YTHDF3: variants seen among roughly 807,000 people sequenced by gnomAD.
The protein encoded by YTHDF3 is YTH domain-containing family protein 3.
A neutral mutation model predicts 52.5 loss-of-function variants in YTHDF3; 9 were observed. The observed-to-expected ratio is 0.17, with a 90% CI of 0.10 to 0.30. YTHDF3 has a LOEUF of 0.30. Ranked by LOEUF, YTHDF3 falls within the 10% of genes least tolerant of loss-of-function variation. The pLI, the probability that YTHDF3 is intolerant of heterozygous loss-of-function variation, is 1.00. For synonymous variants in YTHDF3, 274 were observed against 243.3 expected (o/e 1.13, Z -1.18); for missense variants, 534 against 715.0 (o/e 0.75, Z 2.89).
chr8:63,180,473 G>A (rs1476196355), intron 3 of YTHDF3, among the ~76,000 whole-genome samples: 1 of 148,474 alleles, frequency 6.7e-6, no homozygotes, highest in Non-Finnish European at 1.5e-5. Context: ...GGGCAGAGAC[G>A]CTCCTCACTT....
In YTHDF3 at chr8:63,212,549, C is replaced by T. The variant is rs1810419946; in HGVS notation, c.*2843C>T. The T allele has an allele frequency of 6.6e-6, 1 of 152,482 alleles. No homozygotes were observed. The allele number at this position is 152,482 out of a possible 1,614,324, so 9.4% of individuals were successfully genotyped here. ...TGTGTTTTCATTAAGTTTTGCATATCTTTTGTTATGCCATGTAAATTCCCT... is the reference window on the plus strand; with the variant it reads ...TGTGTTTTCATTAAGTTTTGCATATTTTTTGTTATGCCATGTAAATTCCCT... On this transcript the variant is annotated 3_prime_UTR_variant, in exon 5 of 5. Transcript: ENST00000539294.
chr8:63,178,923 CTATT>C (rs543979262), intron 3 of YTHDF3, among the ~76,000 whole-genome samples: 67 of 152,296 alleles, frequency 4.4e-4, no homozygotes, highest in African/African-American at 1.1e-3. Flanking sequence ...AGTTACACAA[CTATT>C]TAATTAGGTC....
At chr8:63,173,494 T>C (rs1395267975) in intron 2 of YTHDF3, among the ~76,000 whole-genome samples, 8 of 152,116 alleles carry the variant, frequency 5.3e-5, no homozygotes, top group Admixed American at 5.2e-4. Flanking sequence ...TGTATTTGTA[T>C]GAACTAGATT....
At chr8:63,189,625 A>C (rs1227213230) in intron 4 of YTHDF3, among the ~76,000 whole-genome samples, 1 of 152,218 alleles carries the variant, frequency 6.6e-6, no homozygotes, top group Non-Finnish European at 1.5e-5. Flanking sequence ...AACATTCCTC[A>C]GAGGGAAGGT....
intron 4 of YTHDF3, among the ~76,000 whole-genome samples, chr8:63,198,609 A>AT (rs1311012018): frequency 4.6e-5 from 7 of 151,582 alleles, no homozygotes; most frequent in Non-Finnish European, 5.9e-5. Context: ...TGCCTGATAC[A>AT]TTTTTTTTCA....
At chr8:63,174,685 T>A (rs181328505) in intron 2 of YTHDF3, among the ~76,000 whole-genome samples, 2 of 152,228 alleles carry the variant, frequency 1.3e-5, no homozygotes, top group Non-Finnish European at 2.9e-5. Flanking sequence ...ATTATGGCTA[T>A]CTTTTGTGTC....
chr8:63,189,077 C>T (rs1377258423), intron 4 of YTHDF3: 1 of 152,098 alleles, frequency 6.6e-6, no homozygotes, highest in Non-Finnish European at 1.5e-5. Context: ...AGCACTTGTA[C>T]AAAATAGAGG....
intron 4 of YTHDF3, among the ~76,000 whole-genome samples, chr8:63,207,149 G>C (rs1353717419): frequency 3.9e-5 from 6 of 152,038 alleles, no homozygotes. Context: ...GTTTAGTATT[G>C]TTACAGCTTT....
At chr8:63,179,135 G>A (rs1415296343) in intron 3 of YTHDF3, among the ~76,000 whole-genome samples, 1 of 152,044 alleles carries the variant, frequency 6.6e-6, no homozygotes, top group African/African-American at 2.4e-5. Context: ...TACTTATGTG[G>A]CAGCATATTT....
intron 4 of YTHDF3, among the ~76,000 whole-genome samples, chr8:63,193,374 CAA>C (rs758787473): frequency 1.8e-4 from 10 of 54,104 alleles, no homozygotes; most frequent in Non-Finnish European, 2.4e-4. Context: ...AGACTCCGTC[CAA>C]AAAAAAAAAA....
At chr8:63,184,279 G>A (rs537135810) in intron 3 of YTHDF3, among the ~76,000 whole-genome samples, 12 of 152,314 alleles carry the variant, frequency 7.9e-5, no homozygotes, top group African/African-American at 2.9e-4. Flanking sequence ...AAATGGTTTT[G>A]TGATTTTCTT....
chr8:63,185,815 T>A lies in YTHDF3; in HGVS notation c.136-332T>A, dbSNP rs1808459824. 2.6e-5 allele frequency among the ~76,000 whole-genome samples: 4 copies of A among 152,234 alleles called. No individual in the cohort carries two copies. In the South Asian group the frequency reaches 8.3e-4, roughly 31 times the overall value. ...ATGGTAATTTTGTGTCCACAAAGTTTATATATTAGCCTTTTGTAGAAATTA... is the reference window on the plus strand; with the variant it reads ...ATGGTAATTTTGTGTCCACAAAGTTAATATATTAGCCTTTTGTAGAAATTA... On this transcript the variant is annotated intron_variant, in intron 3 of 4. Transcript: ENST00000539294.
At chr8:63,176,443 G>C (rs1807697590) in intron 3 of YTHDF3, among the ~76,000 whole-genome samples, 1 of 151,868 alleles carries the variant, frequency 6.6e-6, no homozygotes, top group Non-Finnish European at 1.5e-5. Context: ...CCATGCCCGG[G>C]TAATTTTTTT....
rs766768080 is a variant in YTHDF3 at position 63,187,165 on chromosome 8, C to T, written c.1154C>T (p.Ser385Leu). ...TTAGGTGTTGTACCTGTCAGTGCTT[C>T]ACCTTCTAGTGTAGAAGTGCATCCC... ...FGLGVVPVSA[S>L]PSSVEVHPVL... The change falls in exon 4 of 5, where the codon TCA becomes TTA. Residue 385 changes from serine (S) to leucine (L), a missense_variant. This residue lies in a region of YTHDF3 where 203 missense variants were observed against 201.3 expected (regional missense o/e 1.01). Transcript: ENST00000539294. 10 of 1,613,898 alleles carry T rather than the reference C, an allele frequency of 6.2e-6. No homozygotes were observed. The East Asian group carries it at 2.2e-4, about 36-fold the overall frequency.
At position 63,196,561 on chromosome 8, in the gene YTHDF3, TA is replaced by T. The variant is rs945993019; in HGVS notation, c.1734+8831del. ...TGGGCGACAGAGCAAGACTCCGTCT[TA>T]AAAAAAAAAAAAAAGAATAAAAAAG... On this transcript the variant is annotated intron_variant, in intron 4 of 4. Coordinates refer to ENST00000539294, the MANE Select transcript of YTHDF3 (RefSeq NM_152758.6). Among the ~76,000 whole-genome samples the T allele has an allele frequency of 8.6e-3, 1,137 of 131,740 alleles. 5 individuals are homozygous for T. Among genetic ancestry groups the T allele is most frequent in the East Asian group, 0.035 (163 of 4,664 alleles). 86.4% of individuals were successfully genotyped at this position (131,740 alleles called of 152,430 possible). A position where few individuals can be genotyped will look rare whatever the true frequency, so the allele number is the denominator to read the frequency against.
At chr8:63,200,622 T>C (rs925539230) in intron 4 of YTHDF3, among the ~76,000 whole-genome samples, 1 of 152,098 alleles carries the variant, frequency 6.6e-6, no homozygotes, top group African/African-American at 2.4e-5. Context: ...GGGTGGACCA[T>C]ATGGTTATAT....
chr8:63,178,375 T>TA (rs895923824), intron 3 of YTHDF3, among the ~76,000 whole-genome samples: 1,822 of 147,562 alleles, frequency 0.012, 28 homozygotes, highest in Middle Eastern at 0.038. Flanking sequence ...ACTTTACTTG[T>TA]AAAAAAAAAA....
At chr8:63,207,907 A>C (rs1254465045) in intron 4 of YTHDF3, among the ~76,000 whole-genome samples, 1 of 152,212 alleles carries the variant, frequency 6.6e-6, no homozygotes, top group African/African-American at 2.4e-5. Flanking sequence ...TTTCTCATCC[A>C]AAGCTATTTA....
chr8:63,200,910 C>T (rs991348276), intron 4 of YTHDF3, among the ~76,000 whole-genome samples: 3 of 151,736 alleles, frequency 2.0e-5, no homozygotes, highest in African/African-American at 4.8e-5. Flanking sequence ...TTGAAGTAAT[C>T]GAAAATAGCC....
Sources: allele counts gnomAD v4.1 joint callset (sites outside exome capture counted in the v4.1 genomes callset), GRCh38; gene constraint gnomAD v4.1.1; regional missense constraint gnomAD v4.1.1; transcripts MANE v1.5; gene names NCBI Gene and HGNC (gene_info 2026-07-23, HGNC 2026-07-21).